Variants in ISCU observed in about 807,000 individuals in gnomAD.
ISCU encodes iron-sulfur cluster assembly enzyme ISCU.
ISCU carries 13 observed loss-of-function variants against 18.4 expected under a neutral mutation model. That is an observed-to-expected ratio of 0.71 (90% confidence interval 0.46 to 1.12). The LOEUF (loss-of-function observed/expected upper bound fraction) is 1.12, where lower values mean the gene tolerates loss of function less well. Among genes scored for constraint, ISCU ranks in the 50% most tolerant of loss-of-function variants. The pLI, the probability that ISCU is intolerant of heterozygous loss-of-function variation, is 0.00. For missense variants in ISCU, 229 were observed against 208.7 expected (o/e 1.10, Z -0.60); for synonymous variants, 104 against 87.5 (o/e 1.19, Z -1.06).
intron 3 of ISCU, among the ~76,000 whole-genome samples, chr12:108,566,419 G>A (rs74474025): frequency 0.031 from 4,666 of 152,338 alleles, 110 homozygotes; most frequent in Non-Finnish European, 0.046. Flanking sequence ...TGGGAGAGAG[G>A]ACATTTCTTT....
At chr12:108,567,666 C>A (rs1339947729) in intron 4 of ISCU, 2 of 1,535,714 alleles carry the variant, frequency 1.3e-6, no homozygotes, top group Non-Finnish European at 1.7e-6. Flanking sequence ...AGAATCTGTG[C>A]TGTTTCCAGC....
chr12:108,561,504 C>T (rs1292511393), upstream of ISCU: 1 of 225,956 alleles, frequency 4.4e-6, no homozygotes, highest in Non-Finnish European at 8.8e-6. Context: ...CAAAGTGATT[C>T]TTCGATTAAA....
chr12:108,565,406 C>G lies in ISCU; in HGVS notation c.314C>G (p.Ala105Gly), dbSNP rs145206633. ...TCCGCAATTGCCTCCAGCTCATTAG[C>G]CACTGAATGGGTGAAAGGAAAGACG... ...CGSAIASSSLATEWVKGKTVE... is the reference protein window; with the variant it reads ...CGSAIASSSLGTEWVKGKTVE... The change falls in exon 3 of 5, where the codon GCC (alanine) becomes GGC (glycine). Residue 105 changes from alanine to glycine, a missense_variant. By Grantham distance (60) the Ala-to-Gly change is moderately conservative. Coordinates refer to ENST00000311893, the MANE Select transcript of ISCU (RefSeq NM_213595.4). 6 of 1,612,684 alleles carry G rather than the reference C, an allele frequency of 3.7e-6. No individual in the cohort carries two copies. The highest frequency in any genetic ancestry group is 5.1e-6 in the Non-Finnish European group (6 of 1,178,784).
At chr12:108,567,167 C>T (rs372868774) in intron 3 of ISCU, 23 bp from the exon 4 acceptor site, 11 of 1,586,604 alleles carry the variant, frequency 6.9e-6, no homozygotes, top group African/African-American at 2.7e-5. Context: ...TAAAACTGCC[C>T]ATCTTTCCAT....
Position 108,562,727 on chromosome 12 carries a change from T to C in ISCU, c.105T>C (p.Tyr35=). The stretch of plus-strand genomic sequence containing the variant: ...AGCTGTCGGCCCCGGCCCGACTCTA[T>C]CACAAGAAGGTAGGGACAAAAGAGG... ...ARELSAPARL[Y]HKKVVDHYEN... The change falls in exon 1 of 5, where the codon TAT becomes TAC. Residue 35 remains tyrosine (Y), a synonymous_variant. Coordinates refer to ENST00000311893, the MANE Select transcript of ISCU (RefSeq NM_213595.4). 1 of 1,468,582 alleles carries C rather than the reference T, an allele frequency of 6.8e-7. No individual in the cohort carries two copies. The highest frequency in any genetic ancestry group is 1.3e-5 in the South Asian group (1 of 76,020). 91.0% of individuals were successfully genotyped at this position (1,468,582 alleles called of 1,614,324 possible).
chr12:108,562,664 G>T lies in ISCU; in HGVS notation c.42G>T (p.Ser14=), dbSNP rs1385544733. ...AGAFRLRRAA[S]ALLLRSPRLP... is the part of the protein sequence containing the mutation. ...CTTTCCGTCTGAGGCGGGCGGCATC[G>T]GCTCTGCTGCTGCGGAGCCCCCGCC... Residue 14 remains serine (S), a synonymous_variant, in exon 1 of 5, where the codon TCG becomes TCT. Transcript: ENST00000311893. 2 of 1,450,736 alleles carry T rather than the reference G, an allele frequency of 1.4e-6. No homozygotes were observed. Among genetic ancestry groups the T allele is most frequent in the Non-Finnish European group, 1.8e-6 (2 of 1,108,396 alleles). 89.9% of individuals were successfully genotyped at this position (1,450,736 alleles called of 1,614,324 possible).
At chr12:108,564,179 G>GCC (rs1184966684) in intron 1 of ISCU, 100 bp from the exon 2 acceptor site, 2 of 1,585,158 alleles carry the variant, frequency 1.3e-6, no homozygotes, top group Admixed American at 3.3e-5. Flanking sequence ...TTTAGTGATT[G>GCC]CCTGCCAGGT....
upstream of ISCU, among the ~76,000 whole-genome samples, chr12:108,562,384 G>A (rs2030616284): frequency 6.6e-6 from 1 of 152,222 alleles, no homozygotes; most frequent in African/African-American, 2.4e-5. Flanking sequence ...GTCTCAACCA[G>A]AATCCAGCAC....
intron 1 of ISCU, chr12:108,563,973 T>C: frequency 1.2e-6 from 1 of 841,520 alleles, no homozygotes; most frequent in Admixed American, 1.8e-5. Flanking sequence ...AGCCCAAGTC[T>C]GGTGATGTAG....
At position 108,564,383 on chromosome 12, in the gene ISCU, G is replaced by A; in HGVS notation, c.219G>A (p.Met73Ile). The A allele has an allele frequency of 6.2e-7, 1 of 1,605,664 alleles. No individual in the cohort carries two copies. The highest frequency in any genetic ancestry group is 8.5e-7 in the Non-Finnish European group (1 of 1,172,198). ...GGGCTCCAGCATGTGGTGACGTAAT[G>A]AAATTACAGGTATGGCTAGTCTTTT... ...LVGAPACGDV[M>I]KLQIQVDEKG... The change falls in exon 2 of 5, where the codon ATG (methionine) becomes ATA (isoleucine). Residue 73 changes from methionine (M) to isoleucine (I), a missense_variant. Physicochemically the swap from Met to Ile is conservative, Grantham distance 10. Transcript: ENST00000311893.
In ISCU at chr12:108,568,823, A is replaced by T; in HGVS notation, c.419-8A>T. ...AAACTTAGGCTTCTTTCCTTCCGTT[A>T]CTTCCAGTGCTGGCTGAAGATGCAA... On this transcript the variant is annotated splice_polypyrimidine_tract_variant and splice_region_variant and intron_variant, in intron 4 of 4. Transcript: ENST00000311893. 6.2e-7 allele frequency: 1 copy of T among 1,611,702 alleles called. No individual in the cohort carries two copies. The highest frequency in any genetic ancestry group is 8.5e-7 in the Non-Finnish European group (1 of 1,179,004).
At chr12:108,565,653 C>T (rs1040898259) in intron 3 of ISCU, among the ~76,000 whole-genome samples, 1 of 152,002 alleles carries the variant, frequency 6.6e-6, no homozygotes, top group African/African-American at 2.4e-5. Context: ...AAAAAAGATC[C>T]TCACCTGTCC....
intron 3 of ISCU, 130 bp from the exon 4 acceptor site, chr12:108,567,060 C>A: frequency 1.4e-6 from 1 of 723,478 alleles, no homozygotes; most frequent in Non-Finnish European, 2.5e-6. Flanking sequence ...AGACCCTTAG[C>A]CGTTTGAGTT....
rs1201723415 is a variant in ISCU, at chr12:108,565,451, T to C, written c.339+20T>C. The C allele has an allele frequency of 6.7e-7, 1 of 1,497,834 alleles. No homozygotes were observed. Among genetic ancestry groups the C allele is most frequent in the Non-Finnish European group, 9.3e-7 (1 of 1,073,652 alleles). The allele number at this position is 1,497,834 out of a possible 1,614,324, so 92.8% of individuals were successfully genotyped here. A position where few individuals can be genotyped will look rare whatever the true frequency, so the allele number is the denominator to read the frequency against. ...AAGACGGTAAGGTGGCTCACAAATCTAATGGGTCAAAAACAAGTAACCATG... is the reference window on the plus strand; with the variant it reads ...AAGACGGTAAGGTGGCTCACAAATCCAATGGGTCAAAAACAAGTAACCATG... On this transcript the variant is annotated intron_variant, in intron 3 of 4. Transcript: ENST00000311893.
chr12:108,564,226 A>C (rs1406838839), intron 1 of ISCU, 53 bp from the exon 2 acceptor site: 2 of 1,563,244 alleles, frequency 1.3e-6, no homozygotes, highest in African/African-American at 2.7e-5. Flanking sequence ...ATCAAACCAG[A>C]GACCAGTACC....
intron 1 of ISCU, chr12:108,563,967 C>G (rs536964155): frequency 1.2e-6 from 1 of 817,430 alleles, no homozygotes; most frequent in South Asian, 1.4e-5. Context: ...TGTTTGAGCC[C>G]AAGTCTGGTG....
At position 108,568,863 on chromosome 12, in the gene ISCU, G is replaced by A. The variant is rs2031023392; in HGVS notation, c.451G>A (p.Ala151Thr). 8 of 1,613,588 alleles carry A rather than the reference G, an allele frequency of 5.0e-6. No individual in the cohort carries two copies. The African/African-American group carries it at 6.7e-5, about 13-fold the overall frequency. Reference protein sequence around the residue: ...LAEDAIKAALADYKLKQEPKK... With the variant: ...LAEDAIKAALTDYKLKQEPKK... ...TGAAGATGCAATCAAGGCCGCCCTG[G>A]CTGATTACAAATTGAAACAAGAACC... The change falls in exon 5 of 5, where the codon GCT becomes ACT. Residue 151 changes from alanine (A) to threonine (T), a missense_variant. By Grantham distance (58) the Ala-to-Thr change is moderately conservative. Transcript: ENST00000311893.
rs779859139 is a variant in ISCU at position 108,567,752 on chromosome 12, G to T, written c.418+484G>T. 4 of 1,535,764 alleles carry T rather than the reference G, an allele frequency of 2.6e-6. No homozygotes were observed. In the South Asian group the frequency reaches 3.6e-5, roughly 14 times the overall value. On this transcript the variant is annotated intron_variant, in intron 4 of 4. Transcript: ENST00000311893. ...CACTTCCTGTCTGGATGGTATTCCT[G>T]TCGGGGTCTGCATCTGTATATATGG... is the stretch of plus-strand genomic sequence containing the variant.
rs72517993 is a variant in ISCU at position 108,563,509 on chromosome 12, T to TG, written c.115-764dup. On this transcript the variant is annotated intron_variant, in intron 1 of 4. Transcript: ENST00000311893. ...CTTGGAGTCAAAATCCTTAGTCAGA[T>TG]GGGGGGAAAAGGGGACTGGAAGATC... The TG allele has an allele frequency of 4.4e-3, 728 of 166,198 alleles. 47 individuals carry two copies. In the East Asian group the frequency reaches 0.1, roughly 24 times the overall value. 10.3% of individuals were successfully genotyped at this position (166,198 alleles called of 1,614,324 possible). A position where few individuals can be genotyped will look rare whatever the true frequency, so the allele number is the denominator to read the frequency against.
Sources: allele counts gnomAD v4.1 joint callset (sites outside exome capture counted in the v4.1 genomes callset), GRCh38; gene constraint gnomAD v4.1.1; transcripts MANE v1.5; gene names NCBI Gene and HGNC (gene_info 2026-07-23, HGNC 2026-07-21).